ERC1: variants seen among roughly 807,000 people sequenced by gnomAD.
ERC1 encodes RAB6 interacting protein 2.
Under a neutral mutation model 132.0 loss-of-function variants are expected in ERC1, and 56 were observed. The ratio of observed to expected loss-of-function variants is 0.42; its 90% confidence interval spans 0.34 to 0.53. The LOEUF (loss-of-function observed/expected upper bound fraction) is 0.53. Among genes scored for constraint, ERC1 ranks in the 20% least tolerant of loss-of-function variants. The pLI, the probability that ERC1 is intolerant of heterozygous loss-of-function variation, is 0.03. For missense variants in ERC1, 1,202 were observed against 1,349.9 expected (o/e 0.89, Z 1.72); for synonymous variants, 478 against 476.1 (o/e 1.00, Z -0.05).
chr12:1,424,857 G>GCT (rs1565411464), intron 17 of ERC1, among the ~76,000 whole-genome samples: 164 of 115,636 alleles, frequency 1.4e-3, no homozygotes, highest in African/African-American at 6.1e-3. Flanking sequence ...TAGATAGATA[G>GCT]ATAGATCGAT....
chr12:1,443,499 A>C (rs2093219812), intron 17 of ERC1: 1 of 152,184 alleles, frequency 6.6e-6, no homozygotes, highest in Non-Finnish European at 1.5e-5. Flanking sequence ...CTGTTCATGA[A>C]AATTGCCAGG....
chr12:1,296,058 TAAAG>T (rs1027650791), intron 15 of ERC1, among the ~76,000 whole-genome samples: 20 of 147,092 alleles, frequency 1.4e-4, no homozygotes, highest in African/African-American at 4.8e-4. Flanking sequence ...ATTAAAGAAT[TAAAG>T]AAAAATGTCA....
chr12:1,047,922 G>T (rs1298170884), intron 2 of ERC1, among the ~76,000 whole-genome samples: 1 of 152,042 alleles, frequency 6.6e-6, no homozygotes, highest in Non-Finnish European at 1.5e-5. Flanking sequence ...GGTGAATTAG[G>T]GTGGGTAAAG....
chr12:1,103,622 CT>C (rs1281849049), intron 3 of ERC1, among the ~76,000 whole-genome samples: 1 of 152,174 alleles, frequency 6.6e-6, no homozygotes, highest in Non-Finnish European at 1.5e-5. Flanking sequence ...GATTTCCTGA[CT>C]GCGGCTTGAG....
At chr12:1,276,483 G>A (rs779169865) in intron 14 of ERC1, among the ~76,000 whole-genome samples, 15 of 151,604 alleles carry the variant, frequency 9.9e-5, no homozygotes, top group Non-Finnish European at 2.1e-4. Context: ...CAGGTGATCT[G>A]CCCACCTCAG....
chr12:1,388,119 T>C (rs887426919), intron 16 of ERC1, among the ~76,000 whole-genome samples: 2 of 151,936 alleles, frequency 1.3e-5, no homozygotes, highest in Non-Finnish European at 2.9e-5. Context: ...CCCAGCACTT[T>C]GGGAGGCCGA....
intron 18 of ERC1, among the ~76,000 whole-genome samples, chr12:1,478,174 A>G (rs2094011053): frequency 6.6e-6 from 1 of 152,210 alleles, no homozygotes; most frequent in Non-Finnish European, 1.5e-5. Flanking sequence ...CCGGGAGTGT[A>G]GGAGAGGCCA....
chr12:1,440,603 TGTGTGTGTGTGTGTGTGTG>T lies in ERC1; in HGVS notation c.3025-3958_3025-3940del, dbSNP rs1565445302. Among the ~76,000 whole-genome samples, 117 of 15,086 alleles carry T rather than the reference TGTGTGTGTGTGTGTGTGTG, an allele frequency of 7.8e-3. 18 individuals are homozygous for T. The highest frequency in any genetic ancestry group is 0.017 in the African/African-American group (113 of 6,606). The allele number at this position is 15,086 out of a possible 152,430, so 9.9% of individuals were successfully genotyped here. On this transcript the variant is annotated intron_variant, in intron 17 of 18. Transcript: ENST00000360905. The stretch of plus-strand genomic sequence containing the variant: ...GCAATCCCCCTGCCTCAGCCTTTTG[TGTGTGTGTGTGTGTGTGTG>T]TGTGTGTGTGTGTGTGTGTGTGTGT...
intron 13 of ERC1, among the ~76,000 whole-genome samples, chr12:1,243,207 G>GAA (rs528544729): frequency 1.0e-3 from 144 of 138,992 alleles, no homozygotes; most frequent in Middle Eastern, 7.4e-3. Flanking sequence ...AAAAAAAAAA[G>GAA]AAAAAAAAAA....
At chr12:1,075,520 G>C (rs940605486) in intron 2 of ERC1, among the ~76,000 whole-genome samples, 1 of 152,078 alleles carries the variant, frequency 6.6e-6, no homozygotes, top group African/African-American at 2.4e-5. Flanking sequence ...GTGAAACCCC[G>C]TCTCTACTAA....
intron 13 of ERC1, among the ~76,000 whole-genome samples, chr12:1,245,381 TG>T (rs1346736555): frequency 6.6e-6 from 1 of 152,248 alleles, no homozygotes; most frequent in East Asian, 1.9e-4. Flanking sequence ...TTTATTCTTT[TG>T]TCACTTCTTT....
chr12:1,143,163 C>T (rs147452272), intron 8 of ERC1, among the ~76,000 whole-genome samples: 9 of 152,218 alleles, frequency 5.9e-5, no homozygotes, highest in East Asian at 3.9e-4. Context: ...CTGGGCCTCC[C>T]GAAGTACTGG....
rs1208333262 is a variant in ERC1, at chr12:1,492,246, G to A, written c.*2016G>A. 1 of 233,154 alleles carries A rather than the reference G, an allele frequency of 4.3e-6. No homozygotes were observed. Among genetic ancestry groups the A allele is most frequent in the Admixed American group, 5.6e-5 (1 of 17,774 alleles). The allele number at this position is 233,154 out of a possible 1,614,324, so 14.4% of individuals were successfully genotyped here. A position where few individuals can be genotyped will look rare whatever the true frequency, so the allele number is the denominator to read the frequency against. On this transcript the variant is annotated 3_prime_UTR_variant, in exon 19 of 19. Transcript: ENST00000360905. The stretch of plus-strand genomic sequence containing the variant: ...GGGGTGCAGGGGTTAGATAGTAAGT[G>A]GTGGTCGTTTGTGGTCAGTTACCTC...
At chr12:1,472,421 G>A (rs2154428051) in intron 18 of ERC1, among the ~76,000 whole-genome samples, 1 of 152,240 alleles carries the variant, frequency 6.6e-6, no homozygotes, top group East Asian at 1.9e-4. Context: ...AGCCAAGGTG[G>A]GAGGATTGCT....
intron 18 of ERC1, among the ~76,000 whole-genome samples, chr12:1,452,022 A>C (rs1248754724): frequency 1.3e-5 from 2 of 152,176 alleles, no homozygotes; most frequent in Admixed American, 1.3e-4. Context: ...CCTCAGAAGA[A>C]ATGAAACCTG....
In ERC1 at chr12:1,024,347, C is replaced by T. The variant is rs1592759490; in HGVS notation, c.-156-3401C>T. Among the ~76,000 whole-genome samples, 4 of 152,260 alleles carry T rather than the reference C, an allele frequency of 2.6e-5. No individual in the cohort carries two copies. The Middle Eastern group carries it at 0.014, about 518-fold the overall frequency. On this transcript the variant is annotated intron_variant, in intron 1 of 18. Transcript: ENST00000360905. ...GGTGAGCTGTGATTGTACCACTGCA[C>T]TCCAGCCTGGGTGACAGAGGAGACC... is the stretch of plus-strand genomic sequence containing the variant.
At chr12:1,473,241 C>T (rs1326095905) in intron 18 of ERC1, among the ~76,000 whole-genome samples, 1 of 152,092 alleles carries the variant, frequency 6.6e-6, no homozygotes, top group Non-Finnish European at 1.5e-5. Flanking sequence ...GTTGATCAGG[C>T]TGGTCTTGAA....
intron 16 of ERC1, among the ~76,000 whole-genome samples, chr12:1,403,500 G>T (rs2091242862): frequency 2.0e-5 from 3 of 152,112 alleles, no homozygotes; most frequent in Admixed American, 2.0e-4. Context: ...TCATAACTAT[G>T]CAGGGAACAG....
chr12:1,170,366 G>A (rs918073010), intron 8 of ERC1, among the ~76,000 whole-genome samples: 1 of 152,024 alleles, frequency 6.6e-6, no homozygotes, highest in Non-Finnish European at 1.5e-5. Flanking sequence ...TCTTGTGCCT[G>A]CTTTAGTTTT....
Sources: gnomAD v4.1 joint callset for allele counts (sites outside exome capture counted in the v4.1 genomes callset) on GRCh38, gnomAD v4.1.1 for gene constraint, MANE v1.5 for transcripts, NCBI Gene and HGNC (gene_info 2026-07-23, HGNC 2026-07-21) for gene names.